Variants in MAP2K5 observed in about 807,000 individuals in gnomAD.
MAP2K5 encodes mitogen-activated protein kinase kinase 5, also known as dual specificity mitogen-activated protein kinase kinase 5.
Under a neutral mutation model 83.1 loss-of-function variants are expected in MAP2K5, and 49 were observed. The observed-to-expected ratio is 0.59, with a 90% confidence interval of 0.47 to 0.75. The LOEUF (loss-of-function observed/expected upper bound fraction) is 0.75, where lower values mean the gene tolerates loss of function less well. MAP2K5 is among the 30% of genes least tolerant of loss of function. MAP2K5 has a pLI of 0.00. For synonymous variants in MAP2K5, 202 were observed against 191.8 expected (o/e 1.05, Z -0.44); for missense variants, 457 against 557.5 (o/e 0.82, Z 1.82).
At chr15:67,735,269 A>G (rs1005764426) in intron 17 of MAP2K5, among the ~76,000 whole-genome samples, 6 of 152,198 alleles carry the variant, frequency 3.9e-5, no homozygotes, top group Non-Finnish European at 8.8e-5. Context: ...ATCATCCCCA[A>G]TGTGTGGGTA....
intron 14 of MAP2K5, among the ~76,000 whole-genome samples, chr15:67,692,850 A>G (rs987708975): frequency 6.6e-6 from 1 of 152,206 alleles, no homozygotes; most frequent in Non-Finnish European, 1.5e-5. Flanking sequence ...GACAAAAGGG[A>G]GGGCAGAGTG....
chr15:67,575,918 T>TTCTTTCTG (rs1555527938), intron 3 of MAP2K5, among the ~76,000 whole-genome samples: 2 of 128,436 alleles, frequency 1.6e-5, no homozygotes, highest in East Asian at 2.2e-4. Context: ...CTTTCTTTCT[T>TTCTTTCTG]TTTTTTTTTT....
At position 67,778,472 on chromosome 15, in the gene MAP2K5, TAAG is replaced by T. The variant is rs1466424803; in HGVS notation, c.1242+5725_1242+5727del. ...TGAAAGACAAAATGCACTGGACAAT[TAAG>T]AAGATGATTTTATTTAGGGCTATTG... On this transcript the variant is annotated intron_variant, in intron 21 of 21. Coordinates refer to ENST00000178640, the MANE Select transcript of MAP2K5 (RefSeq NM_145160.3). The surrounding 1 kb of genome is among the most constrained non-coding windows in gnomAD (Gnocchi z 5.0). 6.6e-6 allele frequency among the ~76,000 whole-genome samples: 1 copy of T among 152,130 alleles called. No individual in the cohort carries two copies. Among genetic ancestry groups the T allele is most frequent in the African/African-American group, 2.4e-5 (1 of 41,416 alleles).
chr15:67,697,412 G>A (rs1447709941), intron 15 of MAP2K5, among the ~76,000 whole-genome samples: 1 of 152,162 alleles, frequency 6.6e-6, no homozygotes, highest in African/African-American at 2.4e-5. Flanking sequence ...ACTTACCCAA[G>A]TTCACAAAGC....
chr15:67,642,053 T>C (rs116934013), intron 9 of MAP2K5, among the ~76,000 whole-genome samples: 3,074 of 152,310 alleles, frequency 0.02, 47 homozygotes, highest in Non-Finnish European at 0.03. Flanking sequence ...ATCTCCTCTA[T>C]TCTAGACTAA....
chr15:67,600,600 G>T, intron 7 of MAP2K5, 85 bp from the exon 8 acceptor site: 2 of 1,016,944 alleles, frequency 2.0e-6, no homozygotes, highest in Non-Finnish European at 3.0e-6. Flanking sequence ...CAGACTGCTT[G>T]TTGTTTATGG....
chr15:67,737,197 TC>T (rs1386270702), intron 17 of MAP2K5, among the ~76,000 whole-genome samples: 7 of 152,204 alleles, frequency 4.6e-5, no homozygotes, highest in Non-Finnish European at 8.8e-5. Context: ...CCCAGGATGC[TC>T]TGTGCCTGCC....
chr15:67,788,935 G>A (rs546350098), intron 21 of MAP2K5, among the ~76,000 whole-genome samples: 1 of 148,466 alleles, frequency 6.7e-6, no homozygotes, highest in Admixed American at 6.8e-5. Context: ...TTGTACCATT[G>A]CACTCCAGCA....
At chr15:67,579,639 A>G (rs1255678118) in intron 3 of MAP2K5, among the ~76,000 whole-genome samples, 1 of 152,108 alleles carries the variant, frequency 6.6e-6, no homozygotes, top group South Asian at 2.1e-4. Flanking sequence ...CCTTAGATGT[A>G]TTAACTTGTG....
rs193057746 is a variant in MAP2K5, at chr15:67,603,121, A to G, written c.545+2372A>G. Reference sequence around the variant, plus strand: ...TAACATTTTAACCATATTTAAGTGTATAGTTAGTGGCATTAAGTACATTCA... The same window carrying G: ...TAACATTTTAACCATATTTAAGTGTGTAGTTAGTGGCATTAAGTACATTCA... On this transcript the variant is annotated intron_variant, in intron 8 of 21. Transcript: ENST00000178640. Among the ~76,000 whole-genome samples, 4 of 152,360 alleles carry G rather than the reference A, an allele frequency of 2.6e-5. No individual in the cohort carries two copies. In the East Asian group the frequency reaches 7.7e-4, roughly 29 times the overall value.
chr15:67,797,632 A>G (rs1187328081), intron 21 of MAP2K5, among the ~76,000 whole-genome samples: 1 of 151,612 alleles, frequency 6.6e-6, no homozygotes, highest in African/African-American at 2.4e-5. Flanking sequence ...TTTTATATTT[A>G]TTTTACTTGG....
intron 12 of MAP2K5, among the ~76,000 whole-genome samples, chr15:67,663,948 TA>T (rs1413067718): frequency 6.6e-6 from 1 of 152,140 alleles, no homozygotes; most frequent in Non-Finnish European, 1.5e-5. Flanking sequence ...TATAGAAAAT[TA>T]AGAAAGCCAT....
intron 17 of MAP2K5, among the ~76,000 whole-genome samples, chr15:67,745,110 G>A (rs890498836): frequency 5.9e-5 from 9 of 152,160 alleles, no homozygotes; most frequent in Non-Finnish European, 1.3e-4. Context: ...GATTAACAAA[G>A]TGTGTGACTG....
In MAP2K5 at chr15:67,543,569, C is replaced by A; in HGVS notation, c.135+99C>A. On this transcript the variant is annotated intron_variant, in intron 1 of 21. Transcript: ENST00000178640. The surrounding 1 kb of genome is among the most constrained non-coding windows in gnomAD (Gnocchi z 4.3). Reference sequence around the variant, plus strand: ...TGGTGACCTGAGCCAGTGGCAATGGCTACTGCTGGCTTCCTGTGGAGGCAG... The same window carrying A: ...TGGTGACCTGAGCCAGTGGCAATGGATACTGCTGGCTTCCTGTGGAGGCAG... 1.4e-6 allele frequency: 2 copies of A among 1,382,092 alleles called. No individual in the cohort carries two copies. The highest frequency in any genetic ancestry group is 2.0e-6 in the Non-Finnish European group (2 of 989,584). 85.6% of individuals were successfully genotyped at this position (1,382,092 alleles called of 1,614,324 possible).
At chr15:67,800,140 T>G (rs894358261) in intron 21 of MAP2K5, among the ~76,000 whole-genome samples, 2 of 152,246 alleles carry the variant, frequency 1.3e-5, no homozygotes, top group Non-Finnish European at 1.5e-5. Flanking sequence ...TCCTGCCACT[T>G]GTCAGCAATT....
At chr15:67,761,456 C>G (rs1010675562) in intron 19 of MAP2K5, among the ~76,000 whole-genome samples, 1 of 152,218 alleles carries the variant, frequency 6.6e-6, no homozygotes, top group African/African-American at 2.4e-5. Flanking sequence ...GCAAATAAAG[C>G]CAACACTCAT....
intron 19 of MAP2K5, among the ~76,000 whole-genome samples, chr15:67,762,188 G>T (rs1230839931): frequency 6.6e-6 from 1 of 152,230 alleles, no homozygotes; most frequent in East Asian, 1.9e-4. Context: ...TGCAGAGAAA[G>T]AGGACAATAA....
intron 13 of MAP2K5, among the ~76,000 whole-genome samples, chr15:67,673,618 T>C (rs2087602699): frequency 6.6e-6 from 1 of 152,300 alleles, no homozygotes; most frequent in African/African-American, 2.4e-5. Flanking sequence ...GGAATGATTA[T>C]TTTCTGGATA....
chr15:67,703,044 A>C (rs1199796950), intron 15 of MAP2K5, among the ~76,000 whole-genome samples: 1 of 152,292 alleles, frequency 6.6e-6, no homozygotes, highest in East Asian at 1.9e-4. Flanking sequence ...ACCTGGCCTA[A>C]ATTACCTCAC....
Sources: gnomAD v4.1 joint callset for allele counts (sites outside exome capture counted in the v4.1 genomes callset) on GRCh38, gnomAD v4.1.1 for gene constraint, Gnocchi (gnomAD v3.1) non-coding constraint, MANE v1.5 for transcripts, NCBI Gene and HGNC (gene_info 2026-07-23, HGNC 2026-07-21) for gene names.